Variants in FER1L6 observed in about 807,000 individuals in gnomAD.
The protein encoded by FER1L6 is fer-1-like protein 6.
In FER1L6, 177 loss-of-function variants were observed where a neutral mutation model predicts 219.2. The ratio of observed to expected loss-of-function variants is 0.81; its 90% CI spans 0.71 to 0.91. The LOEUF (loss-of-function observed/expected upper bound fraction) is 0.91. FER1L6 is among the 40% of genes least tolerant of loss of function. The probability of loss-of-function intolerance (pLI) is 0.00; values close to 1 mark genes in which losing one functional copy is unlikely to be tolerated. For missense variants in FER1L6, 2,153 were observed against 2,259.9 expected, an observed-to-expected ratio of 0.95 and a Z score of 0.96; for synonymous variants, 768 against 824.3, an observed-to-expected ratio of 0.93 and a Z score of 1.17.
intron 33 of FER1L6, among the ~76,000 whole-genome samples, chr8:124,086,478 A>G (rs1478912307): frequency 1.3e-5 from 2 of 151,636 alleles, no homozygotes; most frequent in African/African-American, 4.8e-5. Flanking sequence ...AAACTGATGA[A>G]AACTCTATAT....
chr8:124,067,864 T>C (rs1345080843), intron 28 of FER1L6, 58 bp downstream of exon 28: 2 of 1,456,772 alleles, frequency 1.4e-6, no homozygotes, highest in South Asian at 1.2e-5. Context: ...TACGAGAAAA[T>C]TGTAAAATGG....
intron 12 of FER1L6, among the ~76,000 whole-genome samples, chr8:123,997,726 T>A (rs1016265474): frequency 1.3e-5 from 2 of 152,200 alleles, no homozygotes; most frequent in Non-Finnish European, 2.9e-5. Flanking sequence ...TTTTGCTTCC[T>A]CTGTGTATTT....
intron 1 of FER1L6, among the ~76,000 whole-genome samples, chr8:123,875,836 C>T (rs949402489): frequency 6.6e-6 from 1 of 152,196 alleles, no homozygotes; most frequent in African/African-American, 2.4e-5. Context: ...GCAAATCCTG[C>T]AGGCTCTCCC....
chr8:123,988,860 T>C (rs899191587), intron 12 of FER1L6, among the ~76,000 whole-genome samples: 2 of 152,218 alleles, frequency 1.3e-5, no homozygotes, highest in Admixed American at 6.5e-5. Flanking sequence ...CCCAGTATTA[T>C]GTTCAGTAAT....
intron 5 of FER1L6, 54 bp downstream of exon 5, chr8:123,966,344 T>C: frequency 6.2e-7 from 1 of 1,602,428 alleles, no homozygotes; most frequent in Non-Finnish European, 8.5e-7. Context: ...TTCACCACCA[T>C]TCTGCAGGAT....
intron 18 of FER1L6, among the ~76,000 whole-genome samples, chr8:124,028,462 C>A (rs1458922835): frequency 1.3e-5 from 2 of 151,516 alleles, no homozygotes; most frequent in Non-Finnish European, 2.9e-5. Context: ...GCAAAGGCTG[C>A]ACCAGGGACA....
At chr8:123,952,442 G>A (rs145088609) in intron 1 of FER1L6, among the ~76,000 whole-genome samples, 98 of 152,286 alleles carry the variant, frequency 6.4e-4, no homozygotes, top group African/African-American at 2.2e-3. Context: ...TATCGGAGTC[G>A]CAGTAGCTTT....
At chr8:124,002,091 T>C (rs1563735725) in intron 12 of FER1L6, among the ~76,000 whole-genome samples, 1 of 152,210 alleles carries the variant, frequency 6.6e-6, no homozygotes, top group Non-Finnish European at 1.5e-5. Flanking sequence ...CTTTGAGGCA[T>C]GTGGGCTGGG....
intron 1 of FER1L6, among the ~76,000 whole-genome samples, chr8:123,945,633 T>G (rs1010024762): frequency 2.6e-5 from 4 of 152,262 alleles, no homozygotes; most frequent in African/African-American, 9.6e-5. Context: ...TTGTGAGCAA[T>G]TGCACTGAGT....
At chr8:124,019,598 C>T (rs1381513718) in intron 16 of FER1L6, among the ~76,000 whole-genome samples, 11 of 152,164 alleles carry the variant, frequency 7.2e-5, no homozygotes, top group Admixed American at 2.0e-4. Context: ...GCTAGAAGAA[C>T]GTAGTGCTTG....
intron 15 of FER1L6, among the ~76,000 whole-genome samples, chr8:124,015,607 A>G (rs4599794): frequency 0.1 from 9,100 of 87,926 alleles, 892 homozygotes; most frequent in African/African-American, 0.22. Context: ...ATATATATAT[A>G]TATATATATT....
chr8:124,101,556 G>A (rs1032517752), intron 38 of FER1L6, among the ~76,000 whole-genome samples: 2 of 152,154 alleles, frequency 1.3e-5, no homozygotes, highest in African/African-American at 2.4e-5. Context: ...GACTTAAGTT[G>A]ATCTATCACT....
rs200225461 is a variant in FER1L6 at position 123,980,709 on chromosome 8, T to A, written c.1308T>A (p.Gly436=). The A allele has an allele frequency of 6.2e-7, 1 of 1,614,024 alleles. No homozygotes were observed. The highest frequency in any genetic ancestry group is 1.3e-5 in the African/African-American group (1 of 75,002). Residue 436 remains glycine, a synonymous_variant, in exon 11 of 41, where the codon GGT becomes GGA. Transcript: ENST00000522917. The part of the protein sequence containing the change: ...SKDKDSKSSK[G]KDKADKTEDG... ...ACAAAGACTCCAAATCTTCCAAAGG[T>A]AAAGACAAGGCTGACAAAACTGAAG...
At chr8:124,009,851 G>A (rs1049129720) in intron 13 of FER1L6, among the ~76,000 whole-genome samples, 2 of 152,060 alleles carry the variant, frequency 1.3e-5, no homozygotes, top group East Asian at 3.9e-4. Flanking sequence ...TGGAGCTGCA[G>A]ACCCAAGGAG....
At chr8:123,989,834 T>C (rs1480114293) in intron 12 of FER1L6, among the ~76,000 whole-genome samples, 1 of 152,210 alleles carries the variant, frequency 6.6e-6, no homozygotes, top group African/African-American at 2.4e-5. Flanking sequence ...TAAGGTTAGT[T>C]CCATATCTTT....
intron 33 of FER1L6, among the ~76,000 whole-genome samples, chr8:124,086,809 G>A (rs1043434777): frequency 6.6e-6 from 1 of 152,190 alleles, no homozygotes; most frequent in East Asian, 1.9e-4. Flanking sequence ...GTTTGTCTGG[G>A]AAAGTCTTTA....
At chr8:123,922,855 C>A (rs921287599) in intron 1 of FER1L6, among the ~76,000 whole-genome samples, 1 of 152,140 alleles carries the variant, frequency 6.6e-6, no homozygotes, top group South Asian at 2.1e-4. Flanking sequence ...AGCTAGTAAG[C>A]GGTGGAGCCA....
At chr8:124,074,893 T>C (rs1586672023) in intron 31 of FER1L6, among the ~76,000 whole-genome samples, 1 of 152,152 alleles carries the variant, frequency 6.6e-6, no homozygotes, top group African/African-American at 2.4e-5. Context: ...ATGGTATTTG[T>C]GTATCTAAAC....
At chr8:124,032,508 T>C (rs1422723734) in intron 18 of FER1L6, among the ~76,000 whole-genome samples, 1 of 152,038 alleles carries the variant, frequency 6.6e-6, no homozygotes, top group African/African-American at 2.4e-5. Context: ...GGGGGCAGAT[T>C]GCTTTAGTCC....
Sources: gnomAD v4.1 joint callset for allele counts (sites outside exome capture counted in the v4.1 genomes callset) on GRCh38, gnomAD v4.1.1 for gene constraint, MANE v1.5 for transcripts, NCBI Gene and HGNC (gene_info 2026-07-23, HGNC 2026-07-21) for gene names.